The following AK9 variants were observed in gnomAD, a reference collection of about 807,000 sequenced individuals.
AK9 encodes the protein adenylate kinase 9.
Under a neutral mutation model 239.6 loss-of-function variants are expected in AK9, and 191 were observed. The observed-to-expected ratio is 0.80, with a 90% confidence interval of 0.71 to 0.90. The LOEUF (loss-of-function observed/expected upper bound fraction) is 0.90. Ranked by LOEUF, AK9 falls within the 40% of genes least tolerant of loss-of-function variation. The pLI, the probability that AK9 is intolerant of heterozygous loss-of-function variation, is 0.00. For missense variants in AK9, 1,995 were observed against 2,214.7 expected, an observed-to-expected ratio of 0.90 and a Z score of 1.99; for synonymous variants, 689 against 721.0, an observed-to-expected ratio of 0.96 and a Z score of 0.71.
chr6:109,557,229 T>G (rs1455832750), intron 24 of AK9, among the ~76,000 whole-genome samples: 1 of 152,102 alleles, frequency 6.6e-6, no homozygotes, highest in Non-Finnish European at 1.5e-5. Flanking sequence ...TTGTTTTTCT[T>G]TCAATAGTCA....
chr6:109,656,944 C>G, intron 7 of AK9, 60 bp from the exon 8 acceptor site: 7 of 1,577,468 alleles, frequency 4.4e-6, no homozygotes, highest in Non-Finnish European at 6.1e-6. Flanking sequence ...AATTTACAAG[C>G]CATATTCCCC....
chr6:109,677,662 A>G (rs894237791), intron 1 of AK9, among the ~76,000 whole-genome samples: 1 of 152,214 alleles, frequency 6.6e-6, no homozygotes, highest in Non-Finnish European at 1.5e-5. Flanking sequence ...ATAATTGGCT[A>G]TGCATAAATA....
At position 109,671,931 on chromosome 6, in the gene AK9, C is replaced by T. The variant is rs1475368282; in HGVS notation, c.319G>A (p.Val107Ile). Residue 107 changes from valine to isoleucine, a missense_variant, in exon 5 of 41, where the codon GTC (valine) becomes ATC (isoleucine). By Grantham distance (29) the Val-to-Ile change is conservative (BLOSUM62 3). Transcript: ENST00000424296. ...LMLEKLNSPE[V>I]CHFGYIITEI... ...AAAATAAACATACCAAAGTGACAGACTTCTGGGGAGTTGAGCTTCTCCAAC... is the reference window on the plus strand; with the variant it reads ...AAAATAAACATACCAAAGTGACAGATTTCTGGGGAGTTGAGCTTCTCCAAC... The T allele has an allele frequency of 6.2e-7, 1 of 1,613,752 alleles. No homozygotes were observed. The highest frequency in any genetic ancestry group is 8.5e-7 in the Non-Finnish European group (1 of 1,179,790).
intron 13 of AK9, among the ~76,000 whole-genome samples, chr6:109,617,019 T>C (rs2128245194): frequency 6.6e-6 from 1 of 152,190 alleles, no homozygotes; most frequent in South Asian, 2.1e-4. Flanking sequence ...TAATAACTAC[T>C]TAGAAAATAT....
Position 109,545,881 on chromosome 6 carries a change from T to A in AK9, c.3211A>T (p.Asn1071Tyr). The stretch of plus-strand genomic sequence containing the variant: ...GAGATTACTACCTGCTTTTTTGTAT[T>A]TTCTTCCTCAACTTTGACATTGGCC... ...IQANVKVEEE[N>Y]TKKQLPEVQL... The change falls in exon 26 of 41, where the codon AAT becomes TAT. Residue 1071 changes from asparagine (N) to tyrosine (Y), a missense_variant. By Grantham distance (143) the Asn-to-Tyr change is moderately radical (BLOSUM62 -2). Coordinates refer to ENST00000424296, the MANE Select transcript of AK9 (RefSeq NM_001145128.3). The A allele has an allele frequency of 6.3e-7, 1 of 1,591,668 alleles. No individual in the cohort carries two copies. The highest frequency in any genetic ancestry group is 8.5e-7 in the Non-Finnish European group (1 of 1,173,878).
At chr6:109,508,684 G>A (rs968482312) in intron 33 of AK9, among the ~76,000 whole-genome samples, 8 of 152,204 alleles carry the variant, frequency 5.3e-5, no homozygotes, top group African/African-American at 1.9e-4. Flanking sequence ...TGTGCTGGAG[G>A]AGCAAAGGTG....
In AK9 at chr6:109,619,092, C is replaced by T; in HGVS notation, c.1399G>A (p.Ala467Thr). ...LLRELQARKQ[A>T]ETALREFQRQ... ...CACACATTTTAAAAAGATGTTTCAC[C>T]TTGTTTTCTAGCTTGCAGTTCCCTG... Residue 467 changes from alanine to threonine, a missense_variant and splice_region_variant, in exon 13 of 41, where the codon GCT (alanine) becomes ACT (threonine). Transcript: ENST00000424296. The T allele has an allele frequency of 6.5e-7, 1 of 1,532,100 alleles. No individual in the cohort carries two copies. The highest frequency in any genetic ancestry group is 8.8e-7 in the Non-Finnish European group (1 of 1,141,200). 94.9% of individuals were successfully genotyped at this position (1,532,100 alleles called of 1,614,324 possible).
chr6:109,663,036 A>C (rs1456573846), intron 5 of AK9, among the ~76,000 whole-genome samples: 6 of 151,844 alleles, frequency 4.0e-5, no homozygotes, highest in Non-Finnish European at 7.4e-5. Flanking sequence ...TGCCATATTT[A>C]TTTTTTTCTC....
intron 2 of AK9, among the ~76,000 whole-genome samples, chr6:109,674,633 A>G (rs1199121299): frequency 1.3e-5 from 2 of 152,186 alleles, no homozygotes; most frequent in Non-Finnish European, 2.9e-5. Context: ...ATAATCATGA[A>G]TGTTTTGACA....
chr6:109,584,108 T>G (rs934782304), intron 19 of AK9, among the ~76,000 whole-genome samples: 2 of 152,174 alleles, frequency 1.3e-5, no homozygotes, highest in Non-Finnish European at 2.9e-5. Flanking sequence ...ATTAACTAAT[T>G]TAACTAAATC....
At chr6:109,639,731 C>T (rs1322273421) in intron 10 of AK9, among the ~76,000 whole-genome samples, 7 of 152,152 alleles carry the variant, frequency 4.6e-5, no homozygotes, top group East Asian at 1.9e-4. Context: ...CCCCTGCCTA[C>T]GTCCTGAATG....
chr6:109,664,557 T>C (rs1018628817), intron 5 of AK9, among the ~76,000 whole-genome samples: 2 of 152,050 alleles, frequency 1.3e-5, no homozygotes, highest in Admixed American at 1.3e-4. Flanking sequence ...CCTGAGTAGC[T>C]GGGACTACAG....
chr6:109,663,654 T>G (rs1452340049), intron 5 of AK9, among the ~76,000 whole-genome samples: 1 of 152,216 alleles, frequency 6.6e-6, no homozygotes, highest in African/African-American at 2.4e-5. Flanking sequence ...GGAAGATCTG[T>G]ATAACTCAGT....
intron 8 of AK9, among the ~76,000 whole-genome samples, chr6:109,651,474 C>T (rs1008635216): frequency 2.0e-5 from 3 of 152,142 alleles, no homozygotes; most frequent in Admixed American, 6.5e-5. Context: ...CAGGAACGAT[C>T]TAAAATCGAC....
At chr6:109,505,264 A>G (rs184143758) in intron 35 of AK9, among the ~76,000 whole-genome samples, 1 of 152,364 alleles carries the variant, frequency 6.6e-6, no homozygotes, top group East Asian at 1.9e-4. Context: ...CATTGCTCCC[A>G]TAAACCTCAT....
chr6:109,496,030 C>A (rs2115392997), intron 38 of AK9, among the ~76,000 whole-genome samples: 1 of 152,126 alleles, frequency 6.6e-6, no homozygotes, highest in South Asian at 2.1e-4. Flanking sequence ...ATCCTATATG[C>A]CTTCCAGAAA....
chr6:109,688,140 T>C (rs569996953), intron 1 of AK9, among the ~76,000 whole-genome samples: 11 of 152,334 alleles, frequency 7.2e-5, no homozygotes, highest in Middle Eastern at 3.4e-3. Flanking sequence ...GGCAGAGACC[T>C]GTTCATATTA....
intron 19 of AK9, among the ~76,000 whole-genome samples, chr6:109,580,608 T>A (rs1024917877): frequency 6.6e-6 from 1 of 152,188 alleles, no homozygotes; most frequent in Non-Finnish European, 1.5e-5. Flanking sequence ...GTTCTTTGCA[T>A]CCATTTTCCC....
intron 1 of AK9, among the ~76,000 whole-genome samples, chr6:109,681,182 G>A (rs1169456249): frequency 2.0e-5 from 3 of 152,172 alleles, no homozygotes; most frequent in Non-Finnish European, 4.4e-5. Context: ...ACCCATCAGT[G>A]TGCTACATTC....
Sources: gnomAD v4.1 joint callset for allele counts (sites outside exome capture counted in the v4.1 genomes callset) on GRCh38, gnomAD v4.1.1 for gene constraint, MANE v1.5 for transcripts, NCBI Gene and HGNC (gene_info 2026-07-23, HGNC 2026-07-21) for gene names.